Variants in ATL1 observed in about 807,000 individuals in gnomAD.
ATL1 encodes atlastin GTPase 1.
ATL1 carries 31 observed loss-of-function variants against 75.5 expected under a neutral mutation model. The observed-to-expected ratio is 0.41, with a 90% CI of 0.31 to 0.55. The LOEUF is 0.55. ATL1 is among the 20% of genes least tolerant of loss of function. The pLI is 0.27. For missense variants in ATL1, 405 were observed against 662.6 expected (o/e 0.61, Z 4.27); for synonymous variants, 226 against 233.3 (o/e 0.97, Z 0.28).
At chr14:50,627,326 T>C (rs1429242567) in intron 11 of ATL1, among the ~76,000 whole-genome samples, 3 of 152,236 alleles carry the variant, frequency 2.0e-5, no homozygotes, top group Non-Finnish European at 1.5e-5. Context: ...AACATAACTT[T>C]TATATGAATT....
At chr14:50,542,713 AG>A (rs2038581468) in intron 1 of ATL1, 1 of 152,082 alleles carries the variant, frequency 6.6e-6, no homozygotes, top group South Asian at 2.1e-4. Context: ...GAAAAAGTTT[AG>A]GCTTGGTTTA....
intron 2 of ATL1, 77 bp from the exon 3 acceptor site, chr14:50,590,858 GAGGGAT>G: frequency 7.1e-7 from 1 of 1,414,880 alleles, no homozygotes; most frequent in Non-Finnish European, 9.9e-7. Context: ...TCGAATTGGA[GAGGGAT>G]AAGAATCAGA....
chr14:50,570,124 A>G (rs921970556), intron 1 of ATL1, among the ~76,000 whole-genome samples: 2 of 152,018 alleles, frequency 1.3e-5, no homozygotes, highest in African/African-American at 4.8e-5. Flanking sequence ...TCTACAAATA[A>G]TCTCTCTGCC....
chr14:50,582,502 T>G lies in ATL1; in HGVS notation c.35-5329T>G, dbSNP rs1234491395. On this transcript the variant is annotated intron_variant, in intron 1 of 13. Coordinates refer to ENST00000358385, the MANE Select transcript of ATL1 (RefSeq NM_015915.5). ...TCAGCTCACTGCAACCTCTGCCTTG[T>G]GGGTTCAAGTGATTCTCCTGCCTCA... 3.7e-4 allele frequency among the ~76,000 whole-genome samples: 56 copies of G among 150,210 alleles called. 1 individual carries two copies. Among genetic ancestry groups the G allele is most frequent in the Non-Finnish European group, 1.5e-5 (1 of 67,572 alleles).
chr14:50,584,865 G>T (rs2039088197), intron 1 of ATL1, among the ~76,000 whole-genome samples: 1 of 151,926 alleles, frequency 6.6e-6, no homozygotes, highest in South Asian at 2.1e-4. Context: ...TTAAAATTAA[G>T]AATGCCTTTT....
chr14:50,619,110 T>C (rs934617705), intron 8 of ATL1, among the ~76,000 whole-genome samples: 1 of 152,184 alleles, frequency 6.6e-6, no homozygotes, highest in African/African-American at 2.4e-5. Flanking sequence ...TGGAGTGCAG[T>C]GGCGTGATCT....
At chr14:50,610,260 T>G (rs1243318821) in intron 6 of ATL1, among the ~76,000 whole-genome samples, 2 of 152,098 alleles carry the variant, frequency 1.3e-5, no homozygotes, top group African/African-American at 4.8e-5. Flanking sequence ...AGAAAATACT[T>G]AGTAAAGTTA....
chr14:50,586,276 G>A (rs2039100952), intron 1 of ATL1, among the ~76,000 whole-genome samples: 1 of 152,138 alleles, frequency 6.6e-6, no homozygotes, highest in Non-Finnish European at 1.5e-5. Context: ...ATAGACTGGG[G>A]TGGCTTAAAC....
At chr14:50,612,090 A>T (rs2039371687) in intron 6 of ATL1, among the ~76,000 whole-genome samples, 1 of 152,212 alleles carries the variant, frequency 6.6e-6, no homozygotes, top group South Asian at 2.1e-4. Flanking sequence ...ATGAACAATT[A>T]TGCAATAATA....
At chr14:50,592,697 G>A (rs1255333343) in intron 4 of ATL1, among the ~76,000 whole-genome samples, 1 of 151,648 alleles carries the variant, frequency 6.6e-6, no homozygotes, top group Admixed American at 6.6e-5. Context: ...GGATCACGAG[G>A]TCAGGAGATC....
At chr14:50,600,257 T>TA (rs754483014) in intron 6 of ATL1, among the ~76,000 whole-genome samples, 1,490 of 135,822 alleles carry the variant, frequency 0.011, 4 homozygotes, top group African/African-American at 0.023. Flanking sequence ...GGCTTTTGGT[T>TA]AAAAAAAAAA....
chr14:50,550,342 C>T (rs2038686656), intron 1 of ATL1, among the ~76,000 whole-genome samples: 2 of 152,164 alleles, frequency 1.3e-5, no homozygotes, highest in African/African-American at 4.8e-5. Flanking sequence ...AGTAGATATA[C>T]CCATGAGGGT....
intron 6 of ATL1, among the ~76,000 whole-genome samples, chr14:50,609,235 C>T (rs894828768): frequency 2.0e-5 from 3 of 151,908 alleles, no homozygotes; most frequent in Non-Finnish European, 4.4e-5. Context: ...GACATAAGGA[C>T]TAGGAGTGAT....
At chr14:50,587,479 T>C (rs1337399392) in intron 1 of ATL1, among the ~76,000 whole-genome samples, 1 of 152,128 alleles carries the variant, frequency 6.6e-6, no homozygotes, top group African/African-American at 2.4e-5. Context: ...GGCACAATCA[T>C]ATCTCACTGT....
At chr14:50,554,588 C>A (rs1296653584) in intron 1 of ATL1, among the ~76,000 whole-genome samples, 1 of 152,188 alleles carries the variant, frequency 6.6e-6, no homozygotes, top group Non-Finnish European at 1.5e-5. Context: ...GACCATGATG[C>A]CCACTGGAGG....
At chr14:50,583,855 C>A (rs1360900549) in intron 1 of ATL1, among the ~76,000 whole-genome samples, 1 of 152,034 alleles carries the variant, frequency 6.6e-6, no homozygotes, top group Non-Finnish European at 1.5e-5. Context: ...TGGATCAGAA[C>A]TGAGAGCTCA....
chr14:50,591,405 A>G, intron 3 of ATL1, 130 bp from the exon 4 acceptor site: 2 of 666,308 alleles, frequency 3.0e-6, no homozygotes, highest in South Asian at 3.8e-5. Context: ...CATTCATGGC[A>G]TGTGTAAGAA....
At chr14:50,619,024 G>A (rs1270764306) in intron 8 of ATL1, among the ~76,000 whole-genome samples, 2 of 151,912 alleles carry the variant, frequency 1.3e-5, no homozygotes, top group African/African-American at 4.8e-5. Flanking sequence ...CCGAGTAGCT[G>A]GGACTACAGG....
chr14:50,632,431 G>C lies in ATL1; in HGVS notation c.*92G>C. The C allele has an allele frequency of 1.1e-6, 1 of 903,176 alleles. No homozygotes were observed. The highest frequency in any genetic ancestry group is 1.8e-6 in the Non-Finnish European group (1 of 561,986). 55.9% of individuals were successfully genotyped at this position (903,176 alleles called of 1,614,324 possible). ...GCAAACATTCAAAGTGCTTCCATCAGAACGGAGTAAAATACTAAACACCTC... is the reference window on the plus strand; with the variant it reads ...GCAAACATTCAAAGTGCTTCCATCACAACGGAGTAAAATACTAAACACCTC... On this transcript the variant is annotated 3_prime_UTR_variant, in exon 14 of 14. Transcript: ENST00000358385.
Sources: allele counts gnomAD v4.1 joint callset (sites outside exome capture counted in the v4.1 genomes callset), GRCh38; gene constraint gnomAD v4.1.1; transcripts MANE v1.5; gene names NCBI Gene and HGNC (gene_info 2026-07-23, HGNC 2026-07-21).